Variants in COX7B2 observed in about 807,000 individuals in gnomAD.
The protein encoded by COX7B2 is cytochrome c oxidase subunit 7B2.
For synonymous variants in COX7B2, 37 were observed against 32.1 expected (o/e 1.15, Z -0.51); for missense variants, 109 against 95.9 (o/e 1.14, Z -0.57).
At chr4:46,810,312 T>C (rs1166119578) in intron 2 of COX7B2, among the ~76,000 whole-genome samples, 1 of 152,046 alleles carries the variant, frequency 6.6e-6, no homozygotes, top group Non-Finnish European at 1.5e-5. Flanking sequence ...GCCATTTTGC[T>C]ATTTGTTCTC....
chr4:46,798,033 T>C (rs532926507), intron 2 of COX7B2, among the ~76,000 whole-genome samples: 39 of 152,186 alleles, frequency 2.6e-4, no homozygotes, highest in Non-Finnish European at 5.4e-4. Context: ...TCACAAGCTT[T>C]CATGCTTGTC....
chr4:46,736,079 A>G (rs1203193609), intron 2 of COX7B2, among the ~76,000 whole-genome samples: 1 of 152,198 alleles, frequency 6.6e-6, no homozygotes, highest in African/African-American at 2.4e-5. Flanking sequence ...TGTACATTCT[A>G]TAGGTTTTAA....
At chr4:46,841,572 A>G (rs138360607) in intron 2 of COX7B2, among the ~76,000 whole-genome samples, 573 of 152,090 alleles carry the variant, frequency 3.8e-3, no homozygotes, top group African/African-American at 0.013. Flanking sequence ...ATGCCTATAC[A>G]TCTGACCCAA....
chr4:46,888,810 C>G (rs1178732964), intron 1 of COX7B2, among the ~76,000 whole-genome samples: 1 of 152,142 alleles, frequency 6.6e-6, no homozygotes, highest in African/African-American at 2.4e-5. Context: ...ATAATAATTA[C>G]TACAATCCCA....
intron 2 of COX7B2, among the ~76,000 whole-genome samples, chr4:46,808,712 C>G (rs1373116674): frequency 6.6e-6 from 1 of 151,772 alleles, no homozygotes; most frequent in Admixed American, 6.6e-5. Flanking sequence ...AACTTTCTTT[C>G]TATACCTAAA....
chr4:46,750,193 T>TACA (rs1309718686), intron 2 of COX7B2, among the ~76,000 whole-genome samples: 121 of 58,584 alleles, frequency 2.1e-3, no homozygotes, highest in Non-Finnish European at 3.9e-3. Context: ...AGATCCCATC[T>TACA]CTACACACAC....
intron 1 of COX7B2, among the ~76,000 whole-genome samples, chr4:46,900,644 C>T (rs1720025722): frequency 6.6e-6 from 1 of 152,154 alleles, no homozygotes; most frequent in Admixed American, 6.5e-5. Flanking sequence ...TTCTAACCCC[C>T]ACAGTGATGA....
chr4:46,851,094 T>C (rs1475057388), intron 1 of COX7B2, among the ~76,000 whole-genome samples: 1 of 151,926 alleles, frequency 6.6e-6, no homozygotes, highest in Non-Finnish European at 1.5e-5. Context: ...GAGCTGCTAT[T>C]AGAGATCTTT....
At chr4:46,907,522 C>T (rs550565515) in intron 1 of COX7B2, among the ~76,000 whole-genome samples, 3 of 152,098 alleles carry the variant, frequency 2.0e-5, no homozygotes, top group Admixed American at 1.3e-4. Context: ...GTTTCTCATC[C>T]TCAATTTATG....
chr4:46,757,115 A>G (rs575397272), intron 2 of COX7B2, among the ~76,000 whole-genome samples: 1 of 152,252 alleles, frequency 6.6e-6, no homozygotes, highest in South Asian at 2.1e-4. Context: ...CTATCTATGA[A>G]TAATACTTAG....
At chr4:46,842,558 C>A (rs1013200664) in intron 2 of COX7B2, among the ~76,000 whole-genome samples, 2 of 151,898 alleles carry the variant, frequency 1.3e-5, no homozygotes, top group Non-Finnish European at 2.9e-5. Context: ...CCACTCCCCC[C>A]ACCCCACAAC....
intron 2 of COX7B2, among the ~76,000 whole-genome samples, chr4:46,816,003 C>T (rs1426718403): frequency 1.3e-5 from 2 of 152,146 alleles, no homozygotes; most frequent in East Asian, 1.9e-4. Context: ...AAACGAGACC[C>T]GTGACTATTA....
At chr4:46,777,782 C>A (rs1717239584) in intron 2 of COX7B2, among the ~76,000 whole-genome samples, 1 of 152,138 alleles carries the variant, frequency 6.6e-6, no homozygotes, top group Non-Finnish European at 1.5e-5. Context: ...CAGTCCTTAA[C>A]TAGCCATGTG....
chr4:46,775,036 A>G (rs1482325705), intron 2 of COX7B2, among the ~76,000 whole-genome samples: 1 of 152,006 alleles, frequency 6.6e-6, no homozygotes, highest in Non-Finnish European at 1.5e-5. Context: ...GTTTCTGTGG[A>G]TTTTCTGTGG....
rs1242283091 is a variant in COX7B2, at chr4:46,783,277, A to T, written c.-49-48036T>A. Among the ~76,000 whole-genome samples, 3 of 152,182 alleles carry T rather than the reference A, an allele frequency of 2.0e-5. No individual in the cohort carries two copies. In the East Asian group the frequency reaches 5.8e-4, roughly 29 times the overall value. ...TGGAAAACACAACCAAATCCAAAAG[A>T]AGTACTTTAGAGACTACAGATTGCT... On this transcript the variant is annotated intron_variant, in intron 2 of 2. Coordinates refer to ENST00000355591, the MANE Select transcript of COX7B2 (RefSeq NM_130902.3).
chr4:46,863,937 T>C (rs935094287), intron 1 of COX7B2, among the ~76,000 whole-genome samples: 1 of 152,204 alleles, frequency 6.6e-6, no homozygotes, highest in Non-Finnish European at 1.5e-5. Context: ...CTAAAATGTT[T>C]AATTGGCTAT....
chr4:46,799,299 A>G (rs1405461701), intron 2 of COX7B2, among the ~76,000 whole-genome samples: 1 of 152,124 alleles, frequency 6.6e-6, no homozygotes, highest in Non-Finnish European at 1.5e-5. Flanking sequence ...AAATCATATC[A>G]TCTGTGAAGA....
chr4:46,747,585 A>T (rs1196016036), intron 2 of COX7B2, among the ~76,000 whole-genome samples: 3 of 152,162 alleles, frequency 2.0e-5, no homozygotes, highest in Non-Finnish European at 4.4e-5. Flanking sequence ...TACAAGCATG[A>T]GCCACTGTGG....
At chr4:46,873,272 C>A (rs918950354) in intron 1 of COX7B2, among the ~76,000 whole-genome samples, 2 of 151,912 alleles carry the variant, frequency 1.3e-5, no homozygotes, top group African/African-American at 4.8e-5. Flanking sequence ...TGAATAGTGC[C>A]GCAATAAACA....
Sources: allele counts gnomAD v4.1 joint callset (sites outside exome capture counted in the v4.1 genomes callset), GRCh38; gene constraint gnomAD v4.1.1; transcripts MANE v1.5; gene names NCBI Gene and HGNC (gene_info 2026-07-23, HGNC 2026-07-21).